DNAH6: variants seen among roughly 807,000 people sequenced by gnomAD.
DNAH6 encodes dynein axonemal heavy chain 6.
DNAH6 carries 340 observed loss-of-function variants against 491.4 expected under a neutral mutation model. The observed-to-expected ratio is 0.69, with a 90% CI of 0.63 to 0.76. DNAH6 has a LOEUF of 0.76. DNAH6 is among the 30% of genes least tolerant of loss of function. The pLI, the probability that DNAH6 is intolerant of heterozygous loss-of-function variation, is 0.00. For synonymous variants in DNAH6, 1,603 were observed against 1,686.1 expected, an observed-to-expected ratio of 0.95 and a Z score of 1.21; for missense variants, 4,443 against 4,972.2, an observed-to-expected ratio of 0.89 and a Z score of 3.20.
chr2:84,588,710 A>C, intron 15 of DNAH6, 116 bp from the exon 16 acceptor site: 1 of 1,033,418 alleles, frequency 9.7e-7, no homozygotes, highest in East Asian at 2.8e-5. Flanking sequence ...TCATTTCTAA[A>C]AATCAAAAAG....
chr2:84,716,154 T>C (rs567857865), intron 58 of DNAH6, among the ~76,000 whole-genome samples: 14 of 150,012 alleles, frequency 9.3e-5, no homozygotes, highest in African/African-American at 3.4e-4. Flanking sequence ...TATATACATA[T>C]ATATGGGTAT....
chr2:84,566,663 A>T (rs1396678000), intron 11 of DNAH6, among the ~76,000 whole-genome samples: 1 of 152,048 alleles, frequency 6.6e-6, no homozygotes, highest in Non-Finnish European at 1.5e-5. Flanking sequence ...AATAAAGCTT[A>T]TATGCATAAA....
At chr2:84,583,248 A>G (rs939320526) in intron 14 of DNAH6, among the ~76,000 whole-genome samples, 22 of 152,156 alleles carry the variant, frequency 1.4e-4, no homozygotes, top group Non-Finnish European at 2.5e-4. Flanking sequence ...CAGCCTATCG[A>G]TCCCTCGGGC....
At chr2:84,813,780 C>G (rs1438439391) in intron 74 of DNAH6, among the ~76,000 whole-genome samples, 191 bp from the exon 75 acceptor site, 1 of 152,136 alleles carries the variant, frequency 6.6e-6, no homozygotes, top group Non-Finnish European at 1.5e-5. Context: ...CCCTTGGGCC[C>G]TTACCTCCCA....
chr2:84,653,100 G>A (rs1690605527), intron 33 of DNAH6, among the ~76,000 whole-genome samples: 1 of 151,956 alleles, frequency 6.6e-6, no homozygotes, highest in African/African-American at 2.4e-5. Flanking sequence ...ATATACTTAG[G>A]AACATTGGTC....
chr2:84,763,058 C>T (rs757465963), intron 64 of DNAH6, 113 bp downstream of exon 64: 3 of 751,262 alleles, frequency 4.0e-6, no homozygotes, highest in Non-Finnish European at 6.6e-6. Flanking sequence ...TCAGGTATCA[C>T]TTACTACATA....
At chr2:84,789,408 T>A (rs1260534474) in intron 68 of DNAH6, among the ~76,000 whole-genome samples, 1 of 152,176 alleles carries the variant, frequency 6.6e-6, no homozygotes, top group African/African-American at 2.4e-5. Flanking sequence ...AAGCTTTCAA[T>A]GGAAATTTAA....
chr2:84,660,388 A>G (rs1337533398), intron 37 of DNAH6, among the ~76,000 whole-genome samples: 1 of 152,190 alleles, frequency 6.6e-6, no homozygotes, highest in Non-Finnish European at 1.5e-5. Context: ...GTCCATACTC[A>G]TAATAAAAAT....
In DNAH6 at chr2:84,710,279, C is replaced by G; in HGVS notation, c.9253-8C>G. ...AGCAAATGTTCTGCTCTGTGCTTTT[C>G]CAAACAGGCAAACCGTTGGATAAGG... On this transcript the variant is annotated splice_polypyrimidine_tract_variant and splice_region_variant and intron_variant, in intron 55 of 76. Transcript: ENST00000389394. The G allele has an allele frequency of 1.9e-6, 3 of 1,551,262 alleles. No homozygotes were observed. The highest frequency in any genetic ancestry group is 8.7e-7 in the Non-Finnish European group (1 of 1,146,806).
intron 76 of DNAH6, among the ~76,000 whole-genome samples, chr2:84,817,652 A>G (rs184059945): frequency 3.0e-4 from 45 of 152,278 alleles, no homozygotes; most frequent in Admixed American, 2.7e-3. Flanking sequence ...GTGTTGCTAT[A>G]AAGGAATACC....
intron 33 of DNAH6, among the ~76,000 whole-genome samples, chr2:84,644,747 C>G (rs1386361148): frequency 6.6e-6 from 1 of 152,164 alleles, no homozygotes; most frequent in Non-Finnish European, 1.5e-5. Flanking sequence ...CAGCTCCATC[C>G]ACGTTCCTGC....
intron 3 of DNAH6, among the ~76,000 whole-genome samples, chr2:84,528,380 A>T (rs772574633): frequency 1.3e-5 from 2 of 152,178 alleles, no homozygotes; most frequent in African/African-American, 2.4e-5. Flanking sequence ...GATAAAATCA[A>T]TGCTTCTCTA....
At chr2:84,633,520 T>G (rs896329502) in intron 29 of DNAH6, among the ~76,000 whole-genome samples, 1 of 152,130 alleles carries the variant, frequency 6.6e-6, no homozygotes, top group African/African-American at 2.4e-5. Context: ...GGCCTGTGTC[T>G]GCTTTGCTGC....
intron 59 of DNAH6, among the ~76,000 whole-genome samples, chr2:84,720,445 A>ATT (rs70953904): frequency 0.013 from 1,957 of 146,388 alleles, 27 homozygotes; most frequent in Non-Finnish European, 0.021. Flanking sequence ...CGCCCGGCTA[A>ATT]TTTTTTGTAT....
intron 59 of DNAH6, among the ~76,000 whole-genome samples, chr2:84,721,174 C>T (rs192472928): frequency 1.3e-5 from 2 of 152,330 alleles, no homozygotes; most frequent in Non-Finnish European, 2.9e-5. Context: ...CTGGTTTCTA[C>T]ATTATCAGTG....
chr2:84,724,545 T>C (rs936815398), intron 60 of DNAH6, among the ~76,000 whole-genome samples: 6 of 152,236 alleles, frequency 3.9e-5, no homozygotes, highest in Non-Finnish European at 8.8e-5. Flanking sequence ...TGACACTCCC[T>C]CTGTTTAAAA....
At chr2:84,612,077 T>C (rs974693370) in intron 22 of DNAH6, among the ~76,000 whole-genome samples, 1 of 152,062 alleles carries the variant, frequency 6.6e-6, no homozygotes, top group African/African-American at 2.4e-5. Context: ...TCTCTCAGCT[T>C]AGTTTGTAGT....
At chr2:84,777,555 T>G (rs758422611) in intron 64 of DNAH6, 5 of 775,048 alleles carry the variant, frequency 6.5e-6, no homozygotes, top group Non-Finnish European at 1.2e-5. Flanking sequence ...ACCACCTACT[T>G]GTGAACCTCT....
chr2:84,633,284 T>A (rs1688575716), intron 29 of DNAH6, among the ~76,000 whole-genome samples: 1 of 152,160 alleles, frequency 6.6e-6, no homozygotes, highest in South Asian at 2.1e-4. Context: ...AAGCCTAATA[T>A]CGTCTCCCAG....
Sources: gnomAD v4.1 joint callset for allele counts (sites outside exome capture counted in the v4.1 genomes callset) on GRCh38, gnomAD v4.1.1 for gene constraint, MANE v1.5 for transcripts, NCBI Gene and HGNC (gene_info 2026-07-23, HGNC 2026-07-21) for gene names.